The following SNX18 variants were observed in gnomAD, a reference collection of about 807,000 sequenced individuals.
SNX18 encodes the protein sorting nexin 18.
SNX18 carries 35 observed loss-of-function variants against 48.7 expected under a neutral mutation model. The observed-to-expected ratio is 0.72, with a 90% CI of 0.55 to 0.95. The LOEUF (loss-of-function observed/expected upper bound fraction) is 0.95. Among genes scored for constraint, SNX18 ranks in the 40% least tolerant of loss-of-function variants. The pLI is 0.00. For synonymous variants in SNX18, 492 were observed against 384.7 expected (o/e 1.28, Z -3.26); for missense variants, 824 against 871.0 (o/e 0.95, Z 0.68).
chr5:54,629,505 T>C, the SNX18 span, among the ~76,000 whole-genome samples: 1 of 152,324 alleles, frequency 6.6e-6, no homozygotes, highest in South Asian at 2.1e-4. Flanking sequence ...ATAACAAGCA[T>C]ATAACTTAAT....
chr5:54,582,544 A>T, the SNX18 span, among the ~76,000 whole-genome samples: 1 of 152,126 alleles, frequency 6.6e-6, no homozygotes, highest in African/African-American at 2.4e-5. Context: ...GGATAGCTTG[A>T]GCCTAGGAGT....
At chr5:54,640,338 C>T in the SNX18 span, among the ~76,000 whole-genome samples, 4 of 151,988 alleles carry the variant, frequency 2.6e-5, no homozygotes, top group Admixed American at 2.0e-4. Context: ...TTTATCCTCC[C>T]AAGTAGCTGG....
the SNX18 span, among the ~76,000 whole-genome samples, chr5:54,622,389 C>T: frequency 1.3e-5 from 2 of 151,748 alleles, no homozygotes; most frequent in Non-Finnish European, 2.9e-5. Flanking sequence ...GTCCCAGCTA[C>T]TTGGGAGATT....
At chr5:54,531,758 A>T (rs948486329) in intron 1 of SNX18, among the ~76,000 whole-genome samples, 6 of 152,190 alleles carry the variant, frequency 3.9e-5, no homozygotes, top group African/African-American at 9.7e-5. Flanking sequence ...CTTACATTTA[A>T]AACAGCTGAG....
At chr5:54,560,812 A>G in the SNX18 span, among the ~76,000 whole-genome samples, 1 of 152,132 alleles carries the variant, frequency 6.6e-6, no homozygotes, top group Non-Finnish European at 1.5e-5. Flanking sequence ...ACCAGGTGAC[A>G]ATCATGTCTG....
At chr5:54,526,187 C>T (rs1018441965) in intron 1 of SNX18, among the ~76,000 whole-genome samples, 1 of 152,190 alleles carries the variant, frequency 6.6e-6, no homozygotes, top group Non-Finnish European at 1.5e-5. Context: ...TCACTGCAAC[C>T]TCTGCCTCGC....
the SNX18 span, among the ~76,000 whole-genome samples, chr5:54,556,737 G>A: frequency 1.3e-5 from 2 of 152,160 alleles, no homozygotes; most frequent in Non-Finnish European, 2.9e-5. Context: ...ATCTGTGTAG[G>A]ATGACTAGAA....
At chr5:54,603,271 C>T in the SNX18 span, among the ~76,000 whole-genome samples, 1 of 151,116 alleles carries the variant, frequency 6.6e-6, no homozygotes. Flanking sequence ...GATAGGCTAT[C>T]ACTCTGTCAC....
At chr5:54,599,556 G>A in the SNX18 span, among the ~76,000 whole-genome samples, 1 of 152,018 alleles carries the variant, frequency 6.6e-6, no homozygotes, top group Non-Finnish European at 1.5e-5. Context: ...AAAGCTGGAG[G>A]CATCACCCTA....
the SNX18 span, among the ~76,000 whole-genome samples, chr5:54,636,634 T>C: frequency 2.0e-5 from 3 of 152,188 alleles, no homozygotes; most frequent in Non-Finnish European, 2.9e-5. Context: ...TTTCTATTCC[T>C]AGAGTTGCAT....
rs969067519 is a variant in SNX18, at chr5:54,543,066, GA to G, written c.1622-109del. On this transcript the variant is annotated intron_variant, in intron 1 of 1. Transcript: ENST00000381410. Reference sequence around the variant, plus strand: ...CCTCACTTTAAATTTCAAAGGTATTGAAAATAGTTTGGGCAACTATTTATAA... The same window carrying G: ...CCTCACTTTAAATTTCAAAGGTATTGAAATAGTTTGGGCAACTATTTATAA... The G allele has an allele frequency of 7.8e-6, 8 of 1,020,146 alleles. No homozygotes were observed. The African/African-American group carries it at 1.1e-4, about 15-fold the overall frequency. 63.2% of individuals were successfully genotyped at this position (1,020,146 alleles called of 1,614,324 possible).
the SNX18 span, among the ~76,000 whole-genome samples, chr5:54,631,041 A>C: frequency 6.6e-6 from 1 of 152,178 alleles, no homozygotes; most frequent in South Asian, 2.1e-4. Flanking sequence ...AGCTGTAGAA[A>C]TTCAAAGCCA....
At chr5:54,618,168 T>C in the SNX18 span, among the ~76,000 whole-genome samples, 1 of 152,206 alleles carries the variant, frequency 6.6e-6, no homozygotes, top group African/African-American at 2.4e-5. Context: ...TGCAAGGCTT[T>C]TCCCCCTTTG....
chr5:54,582,537 T>C, the SNX18 span, among the ~76,000 whole-genome samples: 1 of 152,034 alleles, frequency 6.6e-6, no homozygotes, highest in African/African-American at 2.4e-5. Context: ...GGTATGAGGA[T>C]AGCTTGAGCC....
intron 1 of SNX18, among the ~76,000 whole-genome samples, chr5:54,530,199 A>G (rs1762226291): frequency 6.6e-6 from 1 of 152,168 alleles, no homozygotes; most frequent in Non-Finnish European, 1.5e-5. Flanking sequence ...TTTAGGGCAC[A>G]CCCTAACCTA....
intron 1 of SNX18, among the ~76,000 whole-genome samples, chr5:54,542,721 G>T (rs2111608731): frequency 6.6e-6 from 1 of 152,346 alleles, no homozygotes; most frequent in South Asian, 2.1e-4. Context: ...GAATTATTTA[G>T]TGAGACTTTC....
the SNX18 span, among the ~76,000 whole-genome samples, chr5:54,624,722 G>T: frequency 6.6e-6 from 1 of 152,174 alleles, no homozygotes; most frequent in African/African-American, 2.4e-5. Context: ...GGGAAATAAA[G>T]TATCCCTTTT....
At position 54,517,858 on chromosome 5, in the gene SNX18, C is replaced by T; in HGVS notation, c.-95C>T. 7.7e-7 allele frequency: 1 copy of T among 1,298,578 alleles called. No homozygotes were observed. The highest frequency in any genetic ancestry group is 9.8e-7 in the Non-Finnish European group (1 of 1,015,498). 80.4% of individuals were successfully genotyped at this position (1,298,578 alleles called of 1,614,324 possible). On this transcript the variant is annotated 5_prime_UTR_variant, in exon 1 of 2. Transcript: ENST00000381410. ...GGTTTGCCGCCTTCGGGGCTCCAGT[C>T]CGCGCGCCAGGGCTCGAGCAGTACC...
At chr5:54,564,872 AAAACAAAC>A in the SNX18 span, among the ~76,000 whole-genome samples, 2 of 152,076 alleles carry the variant, frequency 1.3e-5, no homozygotes. Flanking sequence ...CAAACAAACA[AAAACAAAC>A]AAACAAACAA....
Sources: allele counts gnomAD v4.1 joint callset (sites outside exome capture counted in the v4.1 genomes callset), GRCh38; gene constraint gnomAD v4.1.1; transcripts MANE v1.5; gene names NCBI Gene and HGNC (gene_info 2026-07-23, HGNC 2026-07-21).